Variants in BAHCC1 observed in about 807,000 individuals in gnomAD.
BAHCC1 encodes the protein BAH and coiled-coil domain-containing protein 1.
In BAHCC1, 43 loss-of-function variants were observed where a neutral mutation model predicts 88.2. The observed-to-expected ratio is 0.49, with a 90% CI of 0.38 to 0.63. The LOEUF (loss-of-function observed/expected upper bound fraction) is 0.63. Ranked by LOEUF, BAHCC1 falls within the 20% of genes least tolerant of loss-of-function variation. BAHCC1 has a pLI of 0.00. For missense variants in BAHCC1, 3,023 were observed against 1,654.8 expected (o/e 1.83, Z -14.34); for synonymous variants, 1,510 against 745.5 (o/e 2.03, Z -16.71).
chr17:81,437,584 C>T (rs1472612954), intron 3 of BAHCC1, among the ~76,000 whole-genome samples: 5 of 152,224 alleles, frequency 3.3e-5, no homozygotes, highest in East Asian at 1.9e-4. Context: ...ACAGCCAGAG[C>T]TGTCCCAAGG....
At chr17:81,439,956 T>A (rs12602555) in intron 4 of BAHCC1, among the ~76,000 whole-genome samples, 80 of 152,036 alleles carry the variant, frequency 5.3e-4, no homozygotes, top group African/African-American at 1.7e-3. Context: ...CTGCACTTCC[T>A]CGCCTGCAGG....
Position 81,460,860 on chromosome 17 carries a change from C to T in BAHCC1, c.6203-6C>T. 1.3e-6 allele frequency: 1 copy of T among 766,476 alleles called. No individual in the cohort carries two copies. The highest frequency in any genetic ancestry group is 2.4e-6 in the Non-Finnish European group (1 of 417,884). 47.5% of individuals were successfully genotyped at this position (766,476 alleles called of 1,614,324 possible). ...GGGGCTGACTCTGCTGGGCTTTTGC[C>T]CTCAGGTAAAGCCGAACTCCTAACC... On this transcript the variant is annotated splice_polypyrimidine_tract_variant and splice_region_variant and intron_variant, in intron 25 of 27. Coordinates refer to ENST00000675386, the MANE Select transcript of BAHCC1 (RefSeq NM_001377448.1).
rs964971649 is a variant in BAHCC1 at position 81,458,349 on chromosome 17, G to A, written c.5226G>A (p.Arg1742=). Residue 1742 remains arginine (R), a synonymous_variant, in exon 18 of 28, where the codon AGG becomes AGA. Coordinates refer to ENST00000675386, the MANE Select transcript of BAHCC1 (RefSeq NM_001377448.1). ...CAGAGCCGGGGGCCACCCCCAGCAG[G>A]GACGCCCTCTTCAACCCCTCTCGGG... ...LRAEPGATPS[R]DALFNPSRAF... is the part of the protein sequence containing the mutation. The A allele has an allele frequency of 1.4e-6, 1 of 732,624 alleles. No individual in the cohort carries two copies. The highest frequency in any genetic ancestry group is 1.7e-5 in the African/African-American group (1 of 58,024). 45.4% of individuals were successfully genotyped at this position (732,624 alleles called of 1,614,324 possible).
At chr17:81,451,897 C>T (rs1187532244) in intron 12 of BAHCC1, 27 bp downstream of exon 12, 9 of 687,354 alleles carry the variant, frequency 1.3e-5, no homozygotes, top group Non-Finnish European at 2.1e-5. Flanking sequence ...GTGCCCACGT[C>T]GCCCAGTGCG....
chr17:81,453,858 C>T (rs1244477867), intron 14 of BAHCC1, among the ~76,000 whole-genome samples: 4 of 152,260 alleles, frequency 2.6e-5, no homozygotes, highest in East Asian at 3.8e-4. Context: ...CAGTTGGCCC[C>T]GGGACGGGCC....
rs782051705 is a variant in BAHCC1, at chr17:81,441,816, C to T, written c.482-15C>T. On this transcript the variant is annotated splice_polypyrimidine_tract_variant and intron_variant, in intron 4 of 27. Transcript: ENST00000675386. Reference sequence around the variant, plus strand: ...CCCTAAGGCCTCCCATTGACCTTGGCTCTTTCCCACACAGATAACTTCTAC... The same window carrying T: ...CCCTAAGGCCTCCCATTGACCTTGGTTCTTTCCCACACAGATAACTTCTAC... 2.0e-5 allele frequency: 12 copies of T among 602,512 alleles called. No homozygotes were observed. The highest frequency in any genetic ancestry group is 3.4e-5 in the Non-Finnish European group (11 of 327,632). 37.3% of individuals were successfully genotyped at this position (602,512 alleles called of 1,614,324 possible).
At chr17:81,409,912 G>A in intron 2 of BAHCC1, 1 of 181,070 alleles carries the variant, frequency 5.5e-6, no homozygotes, top group South Asian at 6.8e-5. Context: ...AGGCCCGGGA[G>A]AGCACCTGGC....
chr17:81,399,671 C>G lies in BAHCC1; in HGVS notation c.-69C>G. Reference sequence around the variant, plus strand: ...CCGCCGCCTCTGCGCCGCCCGCGCGCCGAGCCGCCCCCGGGCCCCGGCCGC... The same window carrying G: ...CCGCCGCCTCTGCGCCGCCCGCGCGGCGAGCCGCCCCCGGGCCCCGGCCGC... On this transcript the variant is annotated 5_prime_UTR_variant, in exon 2 of 28. Transcript: ENST00000675386. This position sits in a 1 kb window ranked among gnomAD's most constrained non-coding sequence, Gnocchi z 4.5. 3 of 959,310 alleles carry G rather than the reference C, an allele frequency of 3.1e-6. No individual in the cohort carries two copies. The highest frequency in any genetic ancestry group is 3.7e-6 in the Non-Finnish European group (3 of 806,102). The allele number at this position is 959,310 out of a possible 1,614,324, so 59.4% of individuals were successfully genotyped here.
rs2064510672 is a variant in BAHCC1, at chr17:81,445,593, C to A, written c.3075C>A (p.Ser1025Arg). 1.4e-6 allele frequency: 1 copy of A among 726,942 alleles called. No homozygotes were observed. Among genetic ancestry groups the A allele is most frequent in the Non-Finnish European group, 2.6e-6 (1 of 391,116 alleles). 45.0% of individuals were successfully genotyped at this position (726,942 alleles called of 1,614,324 possible). A position where few individuals can be genotyped will look rare whatever the true frequency, so the allele number is the denominator to read the frequency against. Residue 1025 changes from serine to arginine, a missense_variant, in exon 10 of 28, where the codon AGC becomes AGA. Coordinates refer to ENST00000675386, the MANE Select transcript of BAHCC1 (RefSeq NM_001377448.1). ...PCTLNVCPAS[S>R]PGPGSRVRSA... ...CTTTAAATGTCTGCCCTGCCAGCAG[C>A]CCCGGGCCTGGCTCCCGGGTGCGCA...
intron 13 of BAHCC1, among the ~76,000 whole-genome samples, chr17:81,452,466 G>A (rs2064658769): frequency 6.6e-6 from 1 of 151,796 alleles, no homozygotes; most frequent in Admixed American, 6.6e-5. Flanking sequence ...GGGATTCTCT[G>A]GGGGAGGGGA....
In BAHCC1 at chr17:81,464,095, C is replaced by T. The variant is rs550042172; in HGVS notation, c.*278C>T. The T allele has an allele frequency of 1.5e-3, 824 of 539,012 alleles. 10 individuals are homozygous for T. Among genetic ancestry groups the T allele is most frequent in the South Asian group, 1.9e-3 (87 of 46,224 alleles). The allele number at this position is 539,012 out of a possible 1,614,324, so 33.4% of individuals were successfully genotyped here. ...CCCACCCACAGCGCCCTCCGTTTCC[C>T]GCACCGGCAGTTCACGGGAGATTTG... On this transcript the variant is annotated 3_prime_UTR_variant, in exon 28 of 28. Transcript: ENST00000675386.
intron 16 of BAHCC1, among the ~76,000 whole-genome samples, 192 bp downstream of exon 16, chr17:81,456,777 A>T (rs998119919): frequency 1.3e-5 from 2 of 152,060 alleles, no homozygotes; most frequent in African/African-American, 4.8e-5. Context: ...GGAGACCCCC[A>T]TCCCCAGGCA....
In BAHCC1 at chr17:81,442,274, C is replaced by T. The variant is rs782495499; in HGVS notation, c.925C>T (p.Arg309Trp). The T allele has an allele frequency of 4.7e-5, 29 of 623,206 alleles. 1 individual carries two copies. The South Asian group carries it at 5.0e-4, about 11-fold the overall frequency. The allele number at this position is 623,206 out of a possible 1,614,324, so 38.6% of individuals were successfully genotyped here. Residue 309 changes from arginine to tryptophan, a missense_variant, in exon 5 of 28, where the codon CGG becomes TGG. Transcript: ENST00000675386. ...CAGCTGTGCAGGGGGCATGCTGGGG[C>T]GGCCTGGCACGGGGGTGGTGACCTC... ...LASCAGGMLG[R>W]PGTGVVTSGR...
intron 15 of BAHCC1, among the ~76,000 whole-genome samples, chr17:81,455,921 G>A (rs1217279141): frequency 1.3e-5 from 2 of 152,144 alleles, no homozygotes; most frequent in East Asian, 3.9e-4. Flanking sequence ...CTGGTGAGAC[G>A]TGGGCCCCAG....
chr17:81,458,030 G>C, intron 17 of BAHCC1, 135 bp from the exon 18 acceptor site: 2 of 629,478 alleles, frequency 3.2e-6, no homozygotes, highest in Middle Eastern at 4.3e-4. Context: ...AGGAGGGGGA[G>C]GGCAGAGGTT....
intron 11 of BAHCC1, 77 bp downstream of exon 11, chr17:81,447,925 A>G (rs2064564995): frequency 1.4e-6 from 1 of 696,656 alleles, no homozygotes; most frequent in Non-Finnish European, 2.6e-6. Flanking sequence ...TCACCTGGCC[A>G]GACGGCAGCC....
In BAHCC1 at chr17:81,461,957, C is replaced by G. The variant is rs200719992; in HGVS notation, c.7294C>G (p.Gln2432Glu). ...FSKAKELSRR[Q>E]RPPSVENRPK... ...CAAAGCCAAAGAGCTCTCCCGGAGG[C>G]AGCGGCCGCCCTCCGTGGAAAACCG... The change falls in exon 26 of 28, where the codon CAG becomes GAG. Residue 2432 changes from glutamine to glutamate, a missense_variant. Transcript: ENST00000675386. The G allele has an allele frequency of 6.0e-4, 459 of 770,624 alleles. 1 individual carries two copies. In the African/African-American group the frequency reaches 6.6e-3, roughly 11 times the overall value. The allele number at this position is 770,624 out of a possible 1,614,324, so 47.7% of individuals were successfully genotyped here. A position where few individuals can be genotyped will look rare whatever the true frequency, so the allele number is the denominator to read the frequency against.
chr17:81,422,644 G>A (rs1358065902), intron 2 of BAHCC1, among the ~76,000 whole-genome samples: 1 of 152,200 alleles, frequency 6.6e-6, no homozygotes, highest in East Asian at 1.9e-4. Flanking sequence ...AGACAGGCTG[G>A]TTGCCCACTG....
At chr17:81,422,662 C>T (rs958267081) in intron 2 of BAHCC1, among the ~76,000 whole-genome samples, 27 of 152,184 alleles carry the variant, frequency 1.8e-4, no homozygotes, top group African/African-American at 6.3e-4. Context: ...CTGAGGGCCC[C>T]GTGGGACACC....
Sources: gnomAD v4.1 joint callset for allele counts (sites outside exome capture counted in the v4.1 genomes callset) on GRCh38, gnomAD v4.1.1 for gene constraint, Gnocchi (gnomAD v3.1) non-coding constraint, MANE v1.5 for transcripts, NCBI Gene and HGNC (gene_info 2026-07-23, HGNC 2026-07-21) for gene names.